Variants in SLC19A1 observed in about 807,000 individuals in gnomAD.
The protein encoded by SLC19A1 is reduced folate transporter.
A neutral mutation model predicts 35.3 loss-of-function variants in SLC19A1; 37 were observed. That is an observed-to-expected ratio of 1.05 (90% CI 0.81 to 1.38). The LOEUF is 1.38. Ranked by LOEUF, SLC19A1 falls within the 40% of genes most tolerant of loss-of-function variation. The probability of loss-of-function intolerance (pLI) is 0.00; values close to 1 mark genes in which losing one functional copy is unlikely to be tolerated. For synonymous variants in SLC19A1, 460 were observed against 398.5 expected, an observed-to-expected ratio of 1.15 and a Z score of -1.84; for missense variants, 831 against 826.9, an observed-to-expected ratio of 1.00 and a Z score of -0.06.
chr21:45,556,097 C>A (rs544035174), intron 1 of SLC19A1, among the ~76,000 whole-genome samples: 1 of 152,286 alleles, frequency 6.6e-6, no homozygotes, highest in African/African-American at 2.4e-5. Flanking sequence ...GAAAGAGGGG[C>A]CTGAGCATCG....
chr21:45,516,296 C>T (rs1268205330), intron 5 of SLC19A1, among the ~76,000 whole-genome samples, 156 bp from the exon 6 acceptor site: 1 of 143,116 alleles, frequency 7.0e-6, no homozygotes, highest in East Asian at 2.1e-4. Context: ...GGAGCAGGTG[C>T]CACAGTGCTC....
intron 5 of SLC19A1, among the ~76,000 whole-genome samples, chr21:45,519,853 A>G (rs1003317139): frequency 1.2e-4 from 19 of 152,214 alleles, no homozygotes; most frequent in Non-Finnish European, 1.5e-4. Context: ...AATCAATACC[A>G]TCAGCCAACA....
intron 3 of SLC19A1, chr21:45,504,251 A>G (rs1461286226): frequency 9.2e-6 from 8 of 871,622 alleles, no homozygotes; most frequent in Non-Finnish European, 1.3e-5. Context: ...GACTCGGCTG[A>G]TGCAGTGGGA....
chr21:45,537,421 G>A (rs1029517782), intron 2 of SLC19A1, among the ~76,000 whole-genome samples: 11 of 146,774 alleles, frequency 7.5e-5, no homozygotes, highest in African/African-American at 7.5e-5. Flanking sequence ...ATAGGCGGCC[G>A]CCCTGGCACC....
In SLC19A1 at chr21:45,530,461, C is replaced by T. The variant is rs1057275155; in HGVS notation, c.1151+309G>A. Among the ~76,000 whole-genome samples the T allele has an allele frequency of 6.6e-6, 1 of 152,126 alleles. No homozygotes were observed. ...GAACTCACACAGGTGCAAGCTCCCGCTCCTGCCTGGATGGGGTCTCAGCAG... is the reference window on the plus strand; with the variant it reads ...GAACTCACACAGGTGCAAGCTCCCGTTCCTGCCTGGATGGGGTCTCAGCAG... On this transcript the variant is annotated intron_variant, in intron 4 of 5. Coordinates refer to ENST00000311124, the MANE Select transcript of SLC19A1 (RefSeq NM_194255.4). This position sits in a 1 kb window ranked among gnomAD's most constrained non-coding sequence, Gnocchi z 5.3.
At chr21:45,537,730 C>A in intron 2 of SLC19A1, 41 bp downstream of exon 2, 2 of 777,124 alleles carry the variant, frequency 2.6e-6, no homozygotes, top group South Asian at 3.8e-5. Flanking sequence ...CCCCGCCCAC[C>A]CACCCACAGG....
Position 45,537,876 on chromosome 21 carries a change from G to C in SLC19A1, c.84C>G (p.Leu28=). Residue 28 remains leucine (L), a synonymous_variant, in exon 2 of 6, where the codon CTC becomes CTG. Coordinates refer to ENST00000311124, the MANE Select transcript of SLC19A1 (RefSeq NM_194255.4). The stretch of plus-strand genomic sequence containing the variant: ...AGCCGTAGAAGCAAAGGTAGCACAC[G>C]AGGTGCCGCCAGGACCGGAGCTCGG... ...PDPELRSWRH[L]VCYLCFYGFM... 6.2e-7 allele frequency: 1 copy of C among 1,605,174 alleles called. No individual in the cohort carries two copies.
At position 45,540,661 on chromosome 21, in the gene SLC19A1, C is replaced by T. The variant is rs1043954278; in HGVS notation, c.-50+1707G>A. Among the ~76,000 whole-genome samples the T allele has an allele frequency of 6.6e-6, 1 of 152,174 alleles. No homozygotes were observed. The highest frequency in any genetic ancestry group is 1.5e-5 in the Non-Finnish European group (1 of 68,032). On this transcript the variant is annotated intron_variant, in intron 1 of 5. Transcript: ENST00000311124. This position sits in a 1 kb window ranked among gnomAD's most constrained non-coding sequence, Gnocchi z 5.5. The stretch of plus-strand genomic sequence containing the variant: ...GGGAACTTGGTCACCATCATAGAAA[C>T]GCAGCCCCAAGCCAGGGGACGCCTA...
At chr21:45,537,147 G>A (rs2078139480) in intron 2 of SLC19A1, among the ~76,000 whole-genome samples, 2 of 152,196 alleles carry the variant, frequency 1.3e-5, no homozygotes, top group African/African-American at 4.8e-5. Flanking sequence ...CACCAGGAGG[G>A]CCGATGAGCA....
At chr21:45,548,262 A>C (rs1281515601), upstream of SLC19A1, among the ~76,000 whole-genome samples, 1 of 152,210 alleles carries the variant, frequency 6.6e-6, no homozygotes, top group East Asian at 1.9e-4. Flanking sequence ...CACAAACACT[A>C]ATTTGAGACC....
chr21:45,526,360 G>A lies in SLC19A1; in HGVS notation c.1152-402C>T, dbSNP rs74971953. On this transcript the variant is annotated intron_variant, in intron 4 of 5. Coordinates refer to ENST00000311124, the MANE Select transcript of SLC19A1 (RefSeq NM_194255.4). ...TGCACTGTACACACACAGCCAGAAG[G>A]TGATTTTATATAATACCTGACAAAC... is the stretch of plus-strand genomic sequence containing the variant. Among the ~76,000 whole-genome samples, 717 of 152,356 alleles carry A rather than the reference G, an allele frequency of 4.7e-3. 10 individuals are homozygous for A. The highest frequency in any genetic ancestry group is 6.7e-3 in the Non-Finnish European group (454 of 68,032).
intron 1 of SLC19A1, among the ~76,000 whole-genome samples, chr21:45,559,875 A>G (rs2078598529): frequency 6.6e-6 from 1 of 151,928 alleles, no homozygotes; most frequent in African/African-American, 2.4e-5. Flanking sequence ...TGTGACATCC[A>G]TTTCTGATGA....
At chr21:45,542,180 G>A (rs1602918282) in intron 1 of SLC19A1, among the ~76,000 whole-genome samples, 188 bp downstream of exon 1, 1 of 104,186 alleles carries the variant, frequency 9.6e-6, no homozygotes, top group Middle Eastern at 6.9e-3. Flanking sequence ...CGGACCCCAG[G>A]CTGCAGACCG....
chr21:45,507,077 C>T (rs1350869709), intron 3 of SLC19A1: 4 of 341,404 alleles, frequency 1.2e-5, no homozygotes, highest in South Asian at 7.7e-5. Context: ...GGGCTGGGTG[C>T]TGGGCAGGGA....
intron 2 of SLC19A1, 39 bp from the exon 3 acceptor site, chr21:45,532,187 A>G: frequency 6.6e-7 from 1 of 1,513,442 alleles, no homozygotes; most frequent in Non-Finnish European, 9.0e-7. Context: ...AGGTGTTAGC[A>G]ATGCTGCCGC....
At chr21:45,555,223 C>G (rs1466504241) in intron 1 of SLC19A1, among the ~76,000 whole-genome samples, 11 of 8,938 alleles carry the variant, frequency 1.2e-3, no homozygotes, top group African/African-American at 6.5e-3. Flanking sequence ...GTGGGGGGCG[C>G]CGGGGGGCGG....
rs1256869768 is a variant in SLC19A1, at chr21:45,515,298, CCT to C, written c.*358_*359del. ...CACAACTCCTGTGGGGCCAGTGTCC[CCT>C]GAGCTGGTATCCAAGAGGCCACTTC... On this transcript the variant is annotated 3_prime_UTR_variant, in exon 6 of 6. Coordinates refer to ENST00000311124, the MANE Select transcript of SLC19A1 (RefSeq NM_194255.4). 3.4e-6 allele frequency: 5 copies of C among 1,471,996 alleles called. No homozygotes were observed. The highest frequency in any genetic ancestry group is 4.4e-6 in the Non-Finnish European group (5 of 1,124,644). The allele number at this position is 1,471,996 out of a possible 1,614,324, so 91.2% of individuals were successfully genotyped here.
At position 45,515,833 on chromosome 21, in the gene SLC19A1, G is replaced by C; in HGVS notation, c.1601C>G (p.Ala534Gly). The C allele has an allele frequency of 1.2e-6, 2 of 1,605,892 alleles. No homozygotes were observed. The highest frequency in any genetic ancestry group is 2.2e-5 in the East Asian group (1 of 44,692). ...GGTTGTCACTGGGCTCAGGAATTCAGCTGCCTGCGGGGCCGGGGCCTGGGC... is the reference window on the plus strand; with the variant it reads ...GGTTGTCACTGGGCTCAGGAATTCACCTGCCTGCGGGGCCGGGGCCTGGGC... ...YLAQAPAPQAAEFLSPVTTPS... is the reference protein window; with the variant it reads ...YLAQAPAPQAGEFLSPVTTPS... The change falls in exon 6 of 6, where the codon GCT (alanine) becomes GGT (glycine). Residue 534 changes from alanine (A) to glycine (G), a missense_variant. Coordinates refer to ENST00000311124, the MANE Select transcript of SLC19A1 (RefSeq NM_194255.4).
chr21:45,535,980 C>A (rs1303511659), intron 2 of SLC19A1: 1 of 172,662 alleles, frequency 5.8e-6, no homozygotes, highest in South Asian at 1.7e-4. Context: ...AAGCTGCTCC[C>A]CGCCCACCTA....
Sources: gnomAD v4.1 joint callset for allele counts (sites outside exome capture counted in the v4.1 genomes callset) on GRCh38, gnomAD v4.1.1 for gene constraint, Gnocchi (gnomAD v3.1) non-coding constraint, MANE v1.5 for transcripts, NCBI Gene and HGNC (gene_info 2026-07-23, HGNC 2026-07-21) for gene names.